Variants in ERGIC1 observed in about 807,000 individuals in gnomAD.
The protein encoded by ERGIC1 is endoplasmic reticulum-Golgi intermediate compartment protein 1.
ERGIC1 carries 19 observed loss-of-function variants against 38.3 expected under a neutral mutation model. The observed-to-expected ratio is 0.50, with a 90% CI of 0.35 to 0.73. ERGIC1 has a LOEUF of 0.73. Among genes scored for constraint, ERGIC1 ranks in the 30% least tolerant of loss-of-function variants. ERGIC1 has a pLI of 0.01. For missense variants in ERGIC1, 294 were observed against 389.2 expected (o/e 0.76, Z 2.06); for synonymous variants, 124 against 157.6 (o/e 0.79, Z 1.60).
At chr5:172,948,517 G>A (rs2113497114) in intron 9 of ERGIC1, among the ~76,000 whole-genome samples, 1 of 152,238 alleles carries the variant, frequency 6.6e-6, no homozygotes, top group Middle Eastern at 3.4e-3. Flanking sequence ...TGAGTCCTGT[G>A]GTCATTTAAA....
chr5:172,878,749 C>T (rs546204639), intron 1 of ERGIC1, among the ~76,000 whole-genome samples: 1 of 152,260 alleles, frequency 6.6e-6, no homozygotes, highest in East Asian at 1.9e-4. Context: ...TCCCTCCCGC[C>T]TGCCTCCACT....
chr5:172,864,374 C>T (rs756924487), intron 1 of ERGIC1, among the ~76,000 whole-genome samples: 1 of 143,504 alleles, frequency 7.0e-6, no homozygotes, highest in African/African-American at 2.6e-5. Flanking sequence ...AGGGTTCAAA[C>T]GATTCTCATG....
intron 1 of ERGIC1, among the ~76,000 whole-genome samples, chr5:172,856,501 G>A (rs2113069314): frequency 6.6e-6 from 1 of 152,304 alleles, no homozygotes; most frequent in East Asian, 1.9e-4. Flanking sequence ...CAAGGGCTCT[G>A]CGGCCTGATG....
intron 9 of ERGIC1, among the ~76,000 whole-genome samples, chr5:172,949,476 T>G (rs1304209833): frequency 6.6e-6 from 1 of 152,160 alleles, no homozygotes; most frequent in South Asian, 2.1e-4. Context: ...GAAGGTGCTG[T>G]GTAAGTACTG....
chr5:172,884,265 T>G (rs796754636), intron 1 of ERGIC1, among the ~76,000 whole-genome samples: 2,819 of 149,984 alleles, frequency 0.019, 123 homozygotes, highest in African/African-American at 0.065. Context: ...TTTTTTTTTT[T>G]TTTTTAAAGA....
At chr5:172,889,387 A>T (rs1278049714) in intron 2 of ERGIC1, among the ~76,000 whole-genome samples, 1 of 151,944 alleles carries the variant, frequency 6.6e-6, no homozygotes, top group Non-Finnish European at 1.5e-5. Flanking sequence ...TTTTCCACCA[A>T]AGCATGTTTT....
intron 1 of ERGIC1, chr5:172,867,173 C>T: frequency 2.2e-6 from 1 of 455,638 alleles, no homozygotes; most frequent in Non-Finnish European, 4.4e-6. Context: ...AGCAATGCCA[C>T]CTTGGGTGAC....
chr5:172,866,626 C>T (rs1393593189), intron 1 of ERGIC1, among the ~76,000 whole-genome samples: 3 of 152,236 alleles, frequency 2.0e-5, no homozygotes, highest in African/African-American at 7.2e-5. Flanking sequence ...GCGAAGTGAG[C>T]ACTATTTGAC....
chr5:172,895,065 T>G (rs192135855), intron 2 of ERGIC1, among the ~76,000 whole-genome samples: 1 of 152,352 alleles, frequency 6.6e-6, no homozygotes, highest in Non-Finnish European at 1.5e-5. Context: ...CCAGTCCAGG[T>G]GCAGGCTGCG....
intron 5 of ERGIC1, 141 bp from the exon 6 acceptor site, chr5:172,923,864 C>A: frequency 1.4e-6 from 1 of 733,720 alleles, no homozygotes. Flanking sequence ...CTCCTTTGCA[C>A]AGTTGAAAAT....
rs895377578 is a variant in ERGIC1, at chr5:172,952,681, A to T, written c.*1865A>T. ...ACTAGATTAAAAGGCTGATTTTCAGAAATATTATGGTGTGATTCTTTCTAC... is the reference window on the plus strand; with the variant it reads ...ACTAGATTAAAAGGCTGATTTTCAGTAATATTATGGTGTGATTCTTTCTAC... On this transcript the variant is annotated 3_prime_UTR_variant, in exon 10 of 10. Transcript: ENST00000393784. 5.3e-5 allele frequency: 8 copies of T among 152,178 alleles called. No individual in the cohort carries two copies. Among genetic ancestry groups the T allele is most frequent in the African/African-American group, 1.7e-4 (7 of 41,452 alleles). The allele number at this position is 152,178 out of a possible 1,614,324, so 9.4% of individuals were successfully genotyped here. A position where few individuals can be genotyped will look rare whatever the true frequency, so the allele number is the denominator to read the frequency against.
intron 9 of ERGIC1, among the ~76,000 whole-genome samples, chr5:172,938,245 C>T (rs111998064): frequency 2.8e-4 from 43 of 152,322 alleles, no homozygotes; most frequent in African/African-American, 1.0e-3. Flanking sequence ...TCCTACTCCA[C>T]ACCCACGATA....
chr5:172,907,152 C>A (rs948271645), intron 3 of ERGIC1, among the ~76,000 whole-genome samples: 10 of 152,246 alleles, frequency 6.6e-5, no homozygotes, highest in Non-Finnish European at 4.4e-5. Context: ...CGCCGCCATC[C>A]CCTGCCTGGT....
chr5:172,892,915 C>T (rs1050768896), intron 2 of ERGIC1, among the ~76,000 whole-genome samples: 6 of 152,098 alleles, frequency 3.9e-5, no homozygotes, highest in African/African-American at 1.2e-4. Context: ...GAGTCTCTGC[C>T]GAGTAGACTT....
At chr5:172,880,583 C>T (rs1473702030) in intron 1 of ERGIC1, among the ~76,000 whole-genome samples, 1 of 152,222 alleles carries the variant, frequency 6.6e-6, no homozygotes, top group Non-Finnish European at 1.5e-5. Flanking sequence ...ACTTCAGCCT[C>T]CCAGAGTGCT....
At chr5:172,947,166 A>G (rs1764140048) in intron 9 of ERGIC1, among the ~76,000 whole-genome samples, 1 of 143,072 alleles carries the variant, frequency 7.0e-6, no homozygotes, top group African/African-American at 2.6e-5. Context: ...CTGGGCGACA[A>G]GAGTGAGACT....
chr5:172,845,995 T>C (rs902891262), intron 1 of ERGIC1, among the ~76,000 whole-genome samples: 1 of 152,204 alleles, frequency 6.6e-6, no homozygotes, highest in Non-Finnish European at 1.5e-5. Context: ...CCAGGCATCC[T>C]GTAGAATGTC....
chr5:172,888,010 C>T (rs1409580692), intron 1 of ERGIC1, among the ~76,000 whole-genome samples: 3 of 152,170 alleles, frequency 2.0e-5, no homozygotes, highest in Non-Finnish European at 1.5e-5. Flanking sequence ...CTTCCTCTAG[C>T]GTCAGAGTCA....
At chr5:172,865,134 A>C (rs1484071276) in intron 1 of ERGIC1, among the ~76,000 whole-genome samples, 3 of 128,924 alleles carry the variant, frequency 2.3e-5, no homozygotes, top group Non-Finnish European at 4.6e-5. Context: ...GGCTCACGGC[A>C]CCCTCTACTT....
Sources: gnomAD v4.1 joint callset for allele counts (sites outside exome capture counted in the v4.1 genomes callset) on GRCh38, gnomAD v4.1.1 for gene constraint, MANE v1.5 for transcripts, NCBI Gene and HGNC (gene_info 2026-07-23, HGNC 2026-07-21) for gene names.